Variants in RECK observed in about 807,000 individuals in gnomAD.
RECK encodes the protein reversion inducing cysteine rich protein with kazal motifs.
A neutral mutation model predicts 115.1 loss-of-function variants in RECK; 69 were observed. The observed-to-expected ratio is 0.60, with a 90% confidence interval of 0.49 to 0.73. RECK has a LOEUF of 0.73. Ranked by LOEUF, RECK falls within the 30% of genes least tolerant of loss-of-function variation. The pLI is 0.00. For synonymous variants in RECK, 414 were observed against 419.7 expected (o/e 0.99, Z 0.17); for missense variants, 1,047 against 1,203.7 (o/e 0.87, Z 1.93).
chr9:36,092,441 G>A (rs1485698543), intron 10 of RECK, among the ~76,000 whole-genome samples: 1 of 151,502 alleles, frequency 6.6e-6, no homozygotes, highest in Non-Finnish European at 1.5e-5. Flanking sequence ...GCATGATCTC[G>A]GCTCACTGCA....
In RECK at chr9:36,037,096, C is replaced by A; in HGVS notation, c.98C>A (p.Ala33Glu). The A allele has an allele frequency of 7.6e-7, 1 of 1,322,382 alleles. No individual in the cohort carries two copies. The highest frequency in any genetic ancestry group is 9.7e-7 in the Non-Finnish European group (1 of 1,030,678). The allele number at this position is 1,322,382 out of a possible 1,614,324, so 81.9% of individuals were successfully genotyped here. Residue 33 changes from alanine (A) to glutamate (E), a missense_variant and splice_region_variant, in exon 1 of 21, where the codon GCG (alanine) becomes GAG (glutamate). Physicochemically the swap from Ala to Glu is moderately radical, Grantham distance 107 (BLOSUM62 -1). Coordinates refer to ENST00000377966, the MANE Select transcript of RECK (RefSeq NM_021111.3). ...EVAGGLAPGS[A>E]GALCCNHSKD... ...GCAGGGGGCCTGGCTCCGGGCAGTG[C>A]GGGTGAGTAACCTCCAGAGCAACGG...
At chr9:36,119,095 T>A in intron 18 of RECK, 128 bp downstream of exon 18, 4 of 904,298 alleles carry the variant, frequency 4.4e-6, no homozygotes, top group Non-Finnish European at 6.6e-6. Flanking sequence ...ATTCTTATGC[T>A]GATCATACTC....
At chr9:36,109,718 C>T (rs2132663422) in intron 14 of RECK, among the ~76,000 whole-genome samples, 1 of 152,156 alleles carries the variant, frequency 6.6e-6, no homozygotes, top group Non-Finnish European at 1.5e-5. Flanking sequence ...GTGGTGTACA[C>T]CTATAGTCCC....
rs1281393771 is a variant in RECK at position 36,123,687 on chromosome 9, C to T, written c.*642C>T. ...CACTCATATAATTATATGTTGTAAG[C>T]AACAGGCTCACTGGTCACGGATTTG... On this transcript the variant is annotated 3_prime_UTR_variant, in exon 21 of 21. Transcript: ENST00000377966. The T allele has an allele frequency of 6.6e-6, 1 of 152,162 alleles. No homozygotes were observed. The highest frequency in any genetic ancestry group is 1.5e-5 in the Non-Finnish European group (1 of 68,038). 9.4% of individuals were successfully genotyped at this position (152,162 alleles called of 1,614,324 possible).
At chr9:36,049,346 A>G (rs1821195363) in intron 1 of RECK, among the ~76,000 whole-genome samples, 1 of 152,196 alleles carries the variant, frequency 6.6e-6, no homozygotes, top group South Asian at 2.1e-4. Flanking sequence ...TGTGGCTAAA[A>G]GCCCCAGCTC....
intron 1 of RECK, among the ~76,000 whole-genome samples, chr9:36,039,381 TG>T (rs2132541240): frequency 6.6e-6 from 1 of 152,356 alleles, no homozygotes; most frequent in Admixed American, 6.5e-5. Flanking sequence ...AGGCTTTGCT[TG>T]TATTCCTGCT....
chr9:36,071,974 C>A (rs542886478), intron 6 of RECK, among the ~76,000 whole-genome samples: 1 of 152,140 alleles, frequency 6.6e-6, no homozygotes, highest in Admixed American at 6.6e-5. Flanking sequence ...ATTATGTTTC[C>A]CACAGCCATC....
At chr9:36,121,815 C>A in intron 20 of RECK, 127 bp downstream of exon 20, 2 of 980,518 alleles carry the variant, frequency 2.0e-6, no homozygotes, top group Non-Finnish European at 1.5e-6. Context: ...TTGGGAAGTT[C>A]AGCGGGACAG....
Position 36,112,337 on chromosome 9 carries a change from C to A in RECK, c.1921C>A (p.Pro641Thr). 6.2e-7 allele frequency: 1 copy of A among 1,613,418 alleles called. No individual in the cohort carries two copies. The highest frequency in any genetic ancestry group is 8.5e-7 in the Non-Finnish European group (1 of 1,179,970). ...LPCNCADQFV[P>T]VCGQNGRTYP... is the part of the protein sequence containing the mutation. ...CTGTAACTGTGCAGATCAGTTTGTC[C>A]CTGTATGTGGGCAGAATGGGCGCAC... Residue 641 changes from proline to threonine, a missense_variant, in exon 16 of 21, where the codon CCT (proline) becomes ACT (threonine). Pro to Thr is a conservative substitution (Grantham distance 38, BLOSUM62 -1). Coordinates refer to ENST00000377966, the MANE Select transcript of RECK (RefSeq NM_021111.3).
chr9:36,102,953 C>T (rs142751075), intron 12 of RECK, among the ~76,000 whole-genome samples: 3,740 of 135,258 alleles, frequency 0.028, 173 homozygotes, highest in African/African-American at 0.11. Context: ...AAGACTCTGT[C>T]TAAAAAAAAA....
chr9:36,105,967 A>C (rs552349156), intron 13 of RECK, among the ~76,000 whole-genome samples: 11 of 152,290 alleles, frequency 7.2e-5, no homozygotes, highest in African/African-American at 2.6e-4. Flanking sequence ...TAATCGCAGC[A>C]CTTTGGGAGG....
At chr9:36,101,893 G>A (rs1332572887) in intron 11 of RECK, among the ~76,000 whole-genome samples, 1 of 152,182 alleles carries the variant, frequency 6.6e-6, no homozygotes, top group African/African-American at 2.4e-5. Context: ...TTGAGTAAGG[G>A]CTTTGGTCTC....
chr9:36,043,751 C>T (rs111936464), intron 1 of RECK, among the ~76,000 whole-genome samples: 3,871 of 152,232 alleles, frequency 0.025, 170 homozygotes, highest in African/African-American at 0.087. Flanking sequence ...TGCCAATTAT[C>T]CCAGCACCAT....
At position 36,117,192 on chromosome 9, in the gene RECK, C is replaced by G. The variant is rs754958245; in HGVS notation, c.2253+15C>G. On this transcript the variant is annotated intron_variant, in intron 17 of 20. Transcript: ENST00000377966. Reference sequence around the variant, plus strand: ...GTCCCTGCCAGGTACAGTGCTTTGGCTGACAAAACAAAGTACACTACGGAT... The same window carrying G: ...GTCCCTGCCAGGTACAGTGCTTTGGGTGACAAAACAAAGTACACTACGGAT... 1 of 1,581,948 alleles carries G rather than the reference C, an allele frequency of 6.3e-7. No individual in the cohort carries two copies. The highest frequency in any genetic ancestry group is 1.1e-5 in the South Asian group (1 of 87,698).
chr9:36,099,024 G>C (rs1450535382), intron 10 of RECK, among the ~76,000 whole-genome samples: 1 of 152,120 alleles, frequency 6.6e-6, no homozygotes, highest in African/African-American at 2.4e-5. Flanking sequence ...CCAGGAGTTT[G>C]AGACCAGCCT....
At chr9:36,077,102 C>A (rs1014892596) in intron 6 of RECK, among the ~76,000 whole-genome samples, 1 of 152,052 alleles carries the variant, frequency 6.6e-6, no homozygotes. Context: ...ACCTCAGCAC[C>A]CCTATAGTTT....
chr9:36,122,677 G>A, intron 20 of RECK, 147 bp from the exon 21 acceptor site: 1 of 620,406 alleles, frequency 1.6e-6, no homozygotes, highest in South Asian at 2.0e-5. Context: ...ATAATAAAAT[G>A]TTACTTTGGA....
At chr9:36,065,728 T>C in intron 6 of RECK, 104 bp downstream of exon 6, 1 of 928,968 alleles carries the variant, frequency 1.1e-6, no homozygotes, top group Non-Finnish European at 1.5e-6. Context: ...ACAACTTCCC[T>C]TTTACCTTAC....
In RECK at chr9:36,118,884, C is replaced by T. The variant is rs770419682; in HGVS notation, c.2381C>T (p.Ser794Leu). The change falls in exon 18 of 21, where the codon TCA (serine) becomes TTA (leucine). Residue 794 changes from serine (S) to leucine (L), a missense_variant. Transcript: ENST00000377966. ...GACTGCCAGGCCGTCGGAGTCCTCTCAGAGCACAGCTCCGTCGCCGAGTGT... is the reference window on the plus strand; with the variant it reads ...GACTGCCAGGCCGTCGGAGTCCTCTTAGAGCACAGCTCCGTCGCCGAGTGT... ...YGDCQAVGVL[S>L]EHSSVAECAS... 1 of 1,614,000 alleles carries T rather than the reference C, an allele frequency of 6.2e-7. No homozygotes were observed. The highest frequency in any genetic ancestry group is 8.5e-7 in the Non-Finnish European group (1 of 1,180,038).
Sources: allele counts gnomAD v4.1 joint callset (sites outside exome capture counted in the v4.1 genomes callset), GRCh38; gene constraint gnomAD v4.1.1; transcripts MANE v1.5; gene names NCBI Gene and HGNC (gene_info 2026-07-23, HGNC 2026-07-21).